The following ZSWIM6 variants were observed in gnomAD, a reference collection of about 807,000 sequenced individuals.
ZSWIM6 encodes the protein zinc finger SWIM domain-containing protein 6.
In ZSWIM6, 9 loss-of-function variants were observed where a neutral mutation model predicts 113.2. The observed-to-expected ratio is 0.08, with a 90% CI of 0.05 to 0.14. ZSWIM6 has a LOEUF of 0.14. Among genes scored for constraint, ZSWIM6 ranks in the 10% least tolerant of loss-of-function variants. The pLI, the probability that ZSWIM6 is intolerant of heterozygous loss-of-function variation, is 1.00. For synonymous variants in ZSWIM6, 611 were observed against 606.5 expected, an observed-to-expected ratio of 1.01 and a Z score of -0.11; for missense variants, 1,162 against 1,552.2, an observed-to-expected ratio of 0.75 and a Z score of 4.22.
At chr5:61,530,889 G>A (rs1004855896) in intron 8 of ZSWIM6, among the ~76,000 whole-genome samples, 1 of 152,194 alleles carries the variant, frequency 6.6e-6, no homozygotes, top group Admixed American at 6.5e-5. Context: ...AGGGTGAAAG[G>A]CATGAGTCTG....
At chr5:61,452,885 G>A (rs993890469) in intron 1 of ZSWIM6, among the ~76,000 whole-genome samples, 1 of 152,146 alleles carries the variant, frequency 6.6e-6, no homozygotes, top group Non-Finnish European at 1.5e-5. Flanking sequence ...CAACTTATCT[G>A]TCTTTCCTTG....
At chr5:61,505,664 T>TTCCC (rs1748587772) in intron 4 of ZSWIM6, among the ~76,000 whole-genome samples, 1 of 86,446 alleles carries the variant, frequency 1.2e-5, no homozygotes, top group East Asian at 2.3e-4. Flanking sequence ...CCTTCCTTCC[T>TTCCC]TCCTTCCTTC....
chr5:61,333,000 G>GA, intron 1 of ZSWIM6, 52 bp downstream of exon 1: 1 of 433,676 alleles, frequency 2.3e-6, no homozygotes, highest in Non-Finnish European at 3.1e-6. Flanking sequence ...GTCCCTGGGT[G>GA]GGGGGGGGGT....
At chr5:61,377,635 T>C (rs1257950877) in intron 1 of ZSWIM6, among the ~76,000 whole-genome samples, 1 of 151,672 alleles carries the variant, frequency 6.6e-6, no homozygotes, top group African/African-American at 2.4e-5. Context: ...GAGAATCTCT[T>C]GAACCTGTGA....
At chr5:61,433,592 C>A in intron 1 of ZSWIM6, among the ~76,000 whole-genome samples, 1 of 151,898 alleles carries the variant, frequency 6.6e-6, no homozygotes, top group East Asian at 1.9e-4. Flanking sequence ...CTTGCCTCAG[C>A]CTCCCAGGTA....
In ZSWIM6 at chr5:61,545,508, A is replaced by G. The variant is rs569380476; in HGVS notation, c.*1191A>G. ...GTTTTCCAAAACAATTGACATAATG[A>G]TACATTACGCCTTTGCAGTGAGCTA... On this transcript the variant is annotated 3_prime_UTR_variant, in exon 14 of 14. Coordinates refer to ENST00000252744, the MANE Select transcript of ZSWIM6 (RefSeq NM_020928.2). The G allele has an allele frequency of 5.3e-5, 8 of 152,266 alleles. No homozygotes were observed. Among genetic ancestry groups the G allele is most frequent in the East Asian group, 1.9e-4 (1 of 5,180 alleles). 9.4% of individuals were successfully genotyped at this position (152,266 alleles called of 1,614,324 possible). A position where few individuals can be genotyped will look rare whatever the true frequency, so the allele number is the denominator to read the frequency against.
At chr5:61,455,183 T>C (rs1747178222) in intron 1 of ZSWIM6, among the ~76,000 whole-genome samples, 1 of 152,194 alleles carries the variant, frequency 6.6e-6, no homozygotes, top group Non-Finnish European at 1.5e-5. Context: ...TTGTTAATAT[T>C]AGCAGTAGTA....
chr5:61,484,335 C>G (rs1327723190), intron 2 of ZSWIM6, among the ~76,000 whole-genome samples: 1 of 152,116 alleles, frequency 6.6e-6, no homozygotes, highest in African/African-American at 2.4e-5. Context: ...GAGAAGTAAC[C>G]ACTGTGAGGC....
chr5:61,358,209 T>C (rs1744960220), intron 1 of ZSWIM6, among the ~76,000 whole-genome samples: 1 of 152,222 alleles, frequency 6.6e-6, no homozygotes, highest in African/African-American at 2.4e-5. Flanking sequence ...GATAGCCCTG[T>C]AACAAGGAAA....
intron 1 of ZSWIM6, among the ~76,000 whole-genome samples, chr5:61,345,908 A>G (rs2112032556): frequency 6.6e-6 from 1 of 152,320 alleles, no homozygotes; most frequent in East Asian, 1.9e-4. Context: ...TTGGTCTAGT[A>G]TACAACAGAA....
chr5:61,336,377 A>G (rs1744395937), intron 1 of ZSWIM6, among the ~76,000 whole-genome samples: 1 of 152,376 alleles, frequency 6.6e-6, no homozygotes, highest in Non-Finnish European at 1.5e-5. Context: ...ACATAAAAAA[A>G]AAATTTCCCC....
chr5:61,512,767 G>A (rs1052370048), intron 4 of ZSWIM6, among the ~76,000 whole-genome samples: 95 of 152,136 alleles, frequency 6.2e-4, no homozygotes, highest in African/African-American at 2.1e-3. Context: ...TGGCATCTGT[G>A]TATTTTCTTT....
intron 1 of ZSWIM6, among the ~76,000 whole-genome samples, chr5:61,437,432 C>G (rs1367682688): frequency 6.6e-6 from 1 of 152,040 alleles, no homozygotes. Context: ...TGTAAAAAAA[C>G]AAAATCCAGG....
intron 1 of ZSWIM6, among the ~76,000 whole-genome samples, chr5:61,458,000 T>C (rs1313967684): frequency 6.6e-6 from 1 of 152,210 alleles, no homozygotes; most frequent in African/African-American, 2.4e-5. Context: ...AAAAATCTCT[T>C]CTAGAATTAT....
chr5:61,516,443 C>CATATATATATATATAAAAACTATAT (rs1399208374), intron 4 of ZSWIM6, among the ~76,000 whole-genome samples: 2 of 140,922 alleles, frequency 1.4e-5, no homozygotes, highest in African/African-American at 5.2e-5. Flanking sequence ...CAAAAATATA[C>CATATATATATATATAAAAACTATAT]ATATATATAT....
At chr5:61,414,868 A>G (rs1746214293) in intron 1 of ZSWIM6, among the ~76,000 whole-genome samples, 1 of 152,122 alleles carries the variant, frequency 6.6e-6, no homozygotes, top group South Asian at 2.1e-4. Flanking sequence ...ATTTTAGATG[A>G]GTTACGATAA....
intron 1 of ZSWIM6, among the ~76,000 whole-genome samples, chr5:61,374,151 AAAACAGTCCATAAAAT>A (rs1483458868): frequency 6.6e-6 from 1 of 152,230 alleles, no homozygotes; most frequent in Non-Finnish European, 1.5e-5. Flanking sequence ...GGAAAATTAG[AAAACAGTCCATAAAAT>A]AAACCATTAT....
intron 1 of ZSWIM6, among the ~76,000 whole-genome samples, chr5:61,448,858 G>GA (rs992801697): frequency 6.6e-6 from 1 of 152,178 alleles, no homozygotes; most frequent in African/African-American, 2.4e-5. Context: ...GAAGTAGTCT[G>GA]AAAAAAATCA....
chr5:61,339,012 G>A (rs1031028761), intron 1 of ZSWIM6, among the ~76,000 whole-genome samples: 6 of 152,052 alleles, frequency 3.9e-5, no homozygotes, highest in Non-Finnish European at 8.8e-5. Flanking sequence ...CACAAAAATG[G>A]ATAATCAATT....
Sources: gnomAD v4.1 joint callset for allele counts (sites outside exome capture counted in the v4.1 genomes callset) on GRCh38, gnomAD v4.1.1 for gene constraint, MANE v1.5 for transcripts, NCBI Gene and HGNC (gene_info 2026-07-23, HGNC 2026-07-21) for gene names.